The following ROBO1 variants were observed in gnomAD, a reference collection of about 807,000 sequenced individuals.
The protein encoded by ROBO1 is roundabout homolog 1.
Under a neutral mutation model 195.9 loss-of-function variants are expected in ROBO1, and 149 were observed. The observed-to-expected ratio is 0.76, with a 90% CI of 0.67 to 0.87. The LOEUF is 0.87. Ranked by LOEUF, ROBO1 falls within the 40% of genes least tolerant of loss-of-function variation. The pLI, the probability that ROBO1 is intolerant of heterozygous loss-of-function variation, is 0.00. For synonymous variants in ROBO1, 816 were observed against 733.2 expected, an observed-to-expected ratio of 1.11 and a Z score of -1.82; for missense variants, 1,933 against 2,068.3, an observed-to-expected ratio of 0.93 and a Z score of 1.27.
intron 3 of ROBO1, among the ~76,000 whole-genome samples, chr3:79,069,959 A>C (rs1036935039): frequency 1.3e-5 from 2 of 151,382 alleles, no homozygotes; most frequent in Non-Finnish European, 3.0e-5. Flanking sequence ...ATCTTTTATT[A>C]ATTCATCAAG....
At chr3:79,558,697 T>G (rs1177222161) in intron 2 of ROBO1, among the ~76,000 whole-genome samples, 1 of 152,196 alleles carries the variant, frequency 6.6e-6, no homozygotes, top group East Asian at 1.9e-4. Context: ...TCTATTCTGT[T>G]ATGAATGTTG....
At chr3:79,043,669 C>G (rs1443749600) in intron 3 of ROBO1, among the ~76,000 whole-genome samples, 1 of 151,944 alleles carries the variant, frequency 6.6e-6, no homozygotes, top group Admixed American at 6.6e-5. Flanking sequence ...GTTTATATTT[C>G]CACATCATTA....
At chr3:79,327,043 C>T (rs1170031382) in intron 2 of ROBO1, among the ~76,000 whole-genome samples, 1 of 152,034 alleles carries the variant, frequency 6.6e-6, no homozygotes, top group East Asian at 1.9e-4. Flanking sequence ...TGAGTTCATG[C>T]ATACAAAATA....
chr3:78,697,262 AAGAG>A (rs1421096348), intron 8 of ROBO1, among the ~76,000 whole-genome samples: 4 of 151,854 alleles, frequency 2.6e-5, no homozygotes, highest in Non-Finnish European at 4.4e-5. Context: ...AAATAAAGGA[AAGAG>A]GGAGGGAGGG....
chr3:78,811,127 C>T (rs1576212554), intron 4 of ROBO1, among the ~76,000 whole-genome samples: 1 of 152,236 alleles, frequency 6.6e-6, no homozygotes, highest in Admixed American at 6.5e-5. Context: ...TTATTAGTAT[C>T]TTTCAAGATT....
At chr3:79,148,700 T>C (rs951719558) in intron 2 of ROBO1, among the ~76,000 whole-genome samples, 4 of 151,832 alleles carry the variant, frequency 2.6e-5, no homozygotes, top group African/African-American at 9.7e-5. Flanking sequence ...AAATCATCAT[T>C]AAATTTAAAA....
chr3:78,870,902 C>T (rs1216913324), intron 4 of ROBO1, among the ~76,000 whole-genome samples: 1 of 152,094 alleles, frequency 6.6e-6, no homozygotes, highest in African/African-American at 2.4e-5. Context: ...CTTTGTTAAC[C>T]TGTTTCCAGA....
chr3:79,514,506 GTC>G (rs1455236742), intron 2 of ROBO1, among the ~76,000 whole-genome samples: 1 of 152,074 alleles, frequency 6.6e-6, no homozygotes, highest in Admixed American at 6.6e-5. Flanking sequence ...GCTGGACACA[GTC>G]TCTGGTTCTC....
At chr3:78,656,197 T>A (rs2107642092) in intron 18 of ROBO1, among the ~76,000 whole-genome samples, 1 of 152,216 alleles carries the variant, frequency 6.6e-6, no homozygotes, top group East Asian at 1.9e-4. Flanking sequence ...CATATAAACA[T>A]ATTCCAATAC....
chr3:79,128,482 A>C (rs537223500), intron 2 of ROBO1, among the ~76,000 whole-genome samples: 23 of 152,330 alleles, frequency 1.5e-4, no homozygotes, highest in South Asian at 1.2e-3. Flanking sequence ...ATAGATGCTC[A>C]ATCTGAAACA....
At chr3:79,223,133 C>G (rs1019090706) in intron 2 of ROBO1, among the ~76,000 whole-genome samples, 1 of 152,090 alleles carries the variant, frequency 6.6e-6, no homozygotes, top group Non-Finnish European at 1.5e-5. Flanking sequence ...CAATTTTGCT[C>G]AAAAGCCAAG....
At chr3:78,750,510 A>C (rs931136239) in intron 4 of ROBO1, among the ~76,000 whole-genome samples, 12 of 150,678 alleles carry the variant, frequency 8.0e-5, no homozygotes, top group African/African-American at 2.9e-4. Flanking sequence ...AAATAAAATA[A>C]AAAAGTTCAC....
At chr3:79,258,358 A>G (rs1206574868) in intron 2 of ROBO1, among the ~76,000 whole-genome samples, 1 of 152,194 alleles carries the variant, frequency 6.6e-6, no homozygotes, top group African/African-American at 2.4e-5. Context: ...GCATTCTAAA[A>G]TTAGTACAAA....
intron 2 of ROBO1, among the ~76,000 whole-genome samples, chr3:79,214,577 T>C (rs1355160917): frequency 6.6e-6 from 1 of 152,014 alleles, no homozygotes; most frequent in Non-Finnish European, 1.5e-5. Flanking sequence ...ACAGATGAAG[T>C]GTGCTCAACC....
In ROBO1 at chr3:79,404,442, T is replaced by C. The variant is rs117378238; in HGVS notation, c.88+185382A>G. Among the ~76,000 whole-genome samples, 11 of 152,238 alleles carry C rather than the reference T, an allele frequency of 7.2e-5. No individual in the cohort carries two copies. In the East Asian group the frequency reaches 2.1e-3, roughly 29 times the overall value. On this transcript the variant is annotated intron_variant, in intron 2 of 30. Transcript: ENST00000464233. Reference sequence around the variant, plus strand: ...GAGAACCAGTGCAGTACAAAATAGGTAAGCTCCAAATTTCAATCTTGGTCT... The same window carrying C: ...GAGAACCAGTGCAGTACAAAATAGGCAAGCTCCAAATTTCAATCTTGGTCT...
At chr3:78,833,713 A>G (rs1439419943) in intron 4 of ROBO1, among the ~76,000 whole-genome samples, 1 of 152,204 alleles carries the variant, frequency 6.6e-6, no homozygotes, top group East Asian at 1.9e-4. Context: ...ACATTTACCT[A>G]TGATTTAGGT....
chr3:79,505,225 T>TC (rs1361304943), intron 2 of ROBO1, among the ~76,000 whole-genome samples: 1 of 150,268 alleles, frequency 6.7e-6, no homozygotes, highest in Non-Finnish European at 1.5e-5. Context: ...ATTTTTTTTT[T>TC]CTTAAATTGA....
At chr3:79,152,167 TG>T (rs1347927604) in intron 2 of ROBO1, among the ~76,000 whole-genome samples, 1 of 151,890 alleles carries the variant, frequency 6.6e-6, no homozygotes, top group Non-Finnish European at 1.5e-5. Context: ...TGTTTAATTA[TG>T]TAGAAATATG....
At chr3:78,665,889 C>G (rs916652063) in intron 14 of ROBO1, among the ~76,000 whole-genome samples, 4 of 151,822 alleles carry the variant, frequency 2.6e-5, no homozygotes, top group African/African-American at 9.7e-5. Flanking sequence ...TTCCAGTTAA[C>G]AAGGATTCAT....
Sources: allele counts gnomAD v4.1 joint callset (sites outside exome capture counted in the v4.1 genomes callset), GRCh38; gene constraint gnomAD v4.1.1; transcripts MANE v1.5; gene names NCBI Gene and HGNC (gene_info 2026-07-23, HGNC 2026-07-21).